Variants in DAB1 observed in about 807,000 individuals in gnomAD.
DAB1 encodes DAB adaptor protein 1, also known as disabled homolog 1.
In DAB1, 15 loss-of-function variants were observed where a neutral mutation model predicts 64.6. The ratio of observed to expected loss-of-function variants is 0.23; its 90% confidence interval spans 0.16 to 0.36. The LOEUF is 0.36. Among genes scored for constraint, DAB1 ranks in the 10% least tolerant of loss-of-function variants. The pLI, the probability that DAB1 is intolerant of heterozygous loss-of-function variation, is 1.00. For synonymous variants in DAB1, 235 were observed against 251.9 expected (o/e 0.93, Z 0.64); for missense variants, 596 against 706.7 (o/e 0.84, Z 1.78).
intron 3 of DAB1, among the ~76,000 whole-genome samples, chr1:58,403,816 C>T (rs927303970): frequency 2.0e-5 from 3 of 151,908 alleles, no homozygotes; most frequent in Non-Finnish European, 4.4e-5. Context: ...TGCATGCGCA[C>T]GCATTCACAC....
At chr1:58,149,031 T>G (rs1318909997) in intron 5 of DAB1, among the ~76,000 whole-genome samples, 1 of 152,192 alleles carries the variant, frequency 6.6e-6, no homozygotes, top group Non-Finnish European at 1.5e-5. Flanking sequence ...AGCTTAAATA[T>G]CATGTCCACA....
At chr1:57,971,830 T>C (rs1262273484) in intron 5 of DAB1, among the ~76,000 whole-genome samples, 2 of 152,306 alleles carry the variant, frequency 1.3e-5, no homozygotes, top group East Asian at 3.9e-4. Context: ...ATATCTTTCA[T>C]TATGTACCAA....
intron 1 of DAB1, among the ~76,000 whole-genome samples, chr1:57,856,795 A>G (rs1653775767): frequency 6.6e-6 from 1 of 152,138 alleles, no homozygotes; most frequent in African/African-American, 2.4e-5. Flanking sequence ...AAAATAAATT[A>G]AAAGTAATGA....
intron 6 of DAB1, among the ~76,000 whole-genome samples, chr1:57,775,964 T>C (rs1244340353): frequency 6.6e-6 from 1 of 151,722 alleles, no homozygotes; most frequent in Non-Finnish European, 1.5e-5. Flanking sequence ...AAAATTAGTA[T>C]TTATCCCTGG....
chr1:57,557,471 T>A (rs370706953), intron 7 of DAB1, among the ~76,000 whole-genome samples: 1 of 148,634 alleles, frequency 6.7e-6, no homozygotes, highest in Non-Finnish European at 1.5e-5. Context: ...TGTGTGTGTG[T>A]ATATATATAT....
At chr1:57,522,696 G>A (rs569894598) in intron 7 of DAB1, among the ~76,000 whole-genome samples, 2 of 152,334 alleles carry the variant, frequency 1.3e-5, no homozygotes, top group Non-Finnish European at 2.9e-5. Flanking sequence ...TCCTGGGTGT[G>A]TCTGTGAGCT....
chr1:57,959,245 C>T (rs552278376), intron 5 of DAB1, among the ~76,000 whole-genome samples: 13 of 152,310 alleles, frequency 8.5e-5, no homozygotes, highest in African/African-American at 3.1e-4. Context: ...TGGCACCTGC[C>T]TCATAGGGCC....
At chr1:57,764,214 A>G (rs1447990294) in intron 6 of DAB1, among the ~76,000 whole-genome samples, 2 of 152,168 alleles carry the variant, frequency 1.3e-5, no homozygotes, top group Admixed American at 6.6e-5. Context: ...TAGAGGGGCC[A>G]TGAATTCAGG....
intron 7 of DAB1, 149 bp from the exon 8 acceptor site, chr1:57,069,574 A>T (rs1395517328): frequency 3.1e-6 from 2 of 635,804 alleles, no homozygotes; most frequent in Non-Finnish European, 5.5e-6. Flanking sequence ...AAATTATTGA[A>T]ATAAAATGTA....
chr1:57,921,925 C>T (rs890823131), intron 5 of DAB1, among the ~76,000 whole-genome samples: 1 of 152,198 alleles, frequency 6.6e-6, no homozygotes, highest in African/African-American at 2.4e-5. Context: ...CCAGCTACAC[C>T]GGCCCCCTCC....
At chr1:57,899,615 A>G (rs1644442952) in intron 5 of DAB1, among the ~76,000 whole-genome samples, 1 of 151,966 alleles carries the variant, frequency 6.6e-6, no homozygotes, top group South Asian at 2.1e-4. Flanking sequence ...CACCTCTGCC[A>G]CCACTCACGG....
chr1:57,389,108 A>G (rs1570429097), intron 1 of DAB1, among the ~76,000 whole-genome samples: 1 of 151,896 alleles, frequency 6.6e-6, no homozygotes, highest in East Asian at 1.9e-4. Flanking sequence ...TGTCCTATGC[A>G]CCCCCAAACA....
intron 6 of DAB1, among the ~76,000 whole-genome samples, chr1:57,659,370 G>A (rs1157678564): frequency 6.6e-6 from 1 of 152,182 alleles, no homozygotes; most frequent in Non-Finnish European, 1.5e-5. Flanking sequence ...TACTTCTCAG[G>A]TCATTGCATT....
At chr1:57,795,317 G>A (rs1220278517) in intron 6 of DAB1, among the ~76,000 whole-genome samples, 1 of 152,036 alleles carries the variant, frequency 6.6e-6, no homozygotes, top group East Asian at 1.9e-4. Flanking sequence ...AAATTTATTT[G>A]AGCACTAGAA....
At chr1:57,268,134 G>T (rs1475204621) in intron 2 of DAB1, among the ~76,000 whole-genome samples, 1 of 152,166 alleles carries the variant, frequency 6.6e-6, no homozygotes, top group African/African-American at 2.4e-5. Flanking sequence ...CTACCCCAAA[G>T]CAAGGAGCAT....
At chr1:57,906,378 G>A (rs113055837) in intron 5 of DAB1, among the ~76,000 whole-genome samples, 3,464 of 152,212 alleles carry the variant, frequency 0.023, 109 homozygotes, top group African/African-American at 0.073. Context: ...GCACTGGCAG[G>A]TGAAGTAACT....
Position 58,100,530 on chromosome 1 carries a change from G to A in DAB1, n.387+49981C>T, listed in dbSNP as rs557082736. On this transcript the variant is annotated intron_variant and non_coding_transcript_variant, in intron 5 of 20. Transcript: ENST00000485760. ...GCATAATGCTTCTGTGAACATGTGTGTACGCATATCTCTTTGAGTCCTTGC... is the reference window on the plus strand; with the variant it reads ...GCATAATGCTTCTGTGAACATGTGTATACGCATATCTCTTTGAGTCCTTGC... Among the ~76,000 whole-genome samples, 3 of 152,242 alleles carry A rather than the reference G, an allele frequency of 2.0e-5. No individual in the cohort carries two copies. In the South Asian group the frequency reaches 6.2e-4, roughly 32 times the overall value.
At chr1:57,698,728 A>G (rs1646874770) in intron 6 of DAB1, among the ~76,000 whole-genome samples, 1 of 152,196 alleles carries the variant, frequency 6.6e-6, no homozygotes. Context: ...CATAGTATAT[A>G]TCAATAGTCT....
At chr1:57,421,304 T>C (rs1684863207) in intron 1 of DAB1, among the ~76,000 whole-genome samples, 2 of 152,214 alleles carry the variant, frequency 1.3e-5, no homozygotes. Context: ...ATGAGCTTCA[T>C]CAACAATAAG....
Sources: gnomAD v4.1 joint callset for allele counts (sites outside exome capture counted in the v4.1 genomes callset) on GRCh38, gnomAD v4.1.1 for gene constraint, MANE v1.5 for transcripts, NCBI Gene and HGNC (gene_info 2026-07-23, HGNC 2026-07-21) for gene names.